SYNPO: variants seen among roughly 807,000 people sequenced by gnomAD.
SYNPO encodes the protein synaptopodin.
SYNPO carries 19 observed loss-of-function variants against 49.5 expected under a neutral mutation model. That is an observed-to-expected ratio of 0.38 (90% CI 0.27 to 0.56). SYNPO has a LOEUF of 0.56. Among genes scored for constraint, SYNPO ranks in the 20% least tolerant of loss-of-function variants. The pLI is 0.68. For missense variants in SYNPO, 1,131 were observed against 1,248.3 expected (o/e 0.91, Z 1.42); for synonymous variants, 536 against 548.0 (o/e 0.98, Z 0.31).
chr5:150,637,814 C>A (rs532299356), upstream of SYNPO, among the ~76,000 whole-genome samples: 3 of 152,354 alleles, frequency 2.0e-5, no homozygotes, highest in South Asian at 4.1e-4. Context: ...TGCACGGCGT[C>A]CTTTCCTATA....
chr5:150,656,742 A>ACCC lies in SYNPO; in HGVS notation c.2369_2370insCCC (p.Pro800dup). ...GGCCCTTCTCCCCGCCGAGGGCGCCACCGCCCCCGCCCCCGCCCCCGCCCC... is the reference window on the plus strand; with the variant it reads ...GGCCCTTCTCCCCGCCGAGGGCGCCACCCCCGCCCCCGCCCCCGCCCCCGCCCC... On this transcript the variant is annotated inframe_insertion, in exon 3 of 3. Coordinates refer to ENST00000307662, the MANE Select transcript of SYNPO (RefSeq NM_007286.6). 5.5e-6 allele frequency: 6 copies of ACCC among 1,098,012 alleles called. No homozygotes were observed. Among genetic ancestry groups the ACCC allele is most frequent in the Non-Finnish European group, 6.8e-6 (6 of 877,092 alleles). The allele number at this position is 1,098,012 out of a possible 1,614,324, so 68.0% of individuals were successfully genotyped here.
intron 2 of SYNPO, among the ~76,000 whole-genome samples, chr5:150,633,662 G>T (rs1359724085): frequency 6.6e-6 from 1 of 152,244 alleles, no homozygotes; most frequent in Non-Finnish European, 1.5e-5. Context: ...TGAACCATGT[G>T]CAGTGAGATC....
chr5:150,654,717 C>T (rs1758498838), intron 2 of SYNPO, among the ~76,000 whole-genome samples: 1 of 152,202 alleles, frequency 6.6e-6, no homozygotes. Flanking sequence ...TTTTGTATCT[C>T]CATCTGTCAG....
upstream of SYNPO, among the ~76,000 whole-genome samples, chr5:150,598,303 C>T (rs1210279837): frequency 1.3e-5 from 2 of 152,218 alleles, no homozygotes; most frequent in Admixed American, 6.5e-5. Context: ...GGCTGAGTCT[C>T]ACTCCTCCAG....
intron 2 of SYNPO, among the ~76,000 whole-genome samples, chr5:150,655,789 A>T (rs942156733): frequency 1.3e-5 from 2 of 152,108 alleles, no homozygotes; most frequent in African/African-American, 4.8e-5. Flanking sequence ...AGTAGCTGGG[A>T]CTACAGGCAC....
chr5:150,612,922 G>T (rs1279426851), intron 1 of SYNPO, among the ~76,000 whole-genome samples: 1 of 152,158 alleles, frequency 6.6e-6, no homozygotes, highest in African/African-American at 2.4e-5. Context: ...GGGAGTACAG[G>T]TGTGTGCCAC....
At chr5:150,618,100 T>G (rs540977872) in intron 1 of SYNPO, 1 of 402,620 alleles carries the variant, frequency 2.5e-6, no homozygotes, top group African/African-American at 2.0e-5. Flanking sequence ...CCTATGCCGA[T>G]AGATTGCCCC....
At chr5:150,628,531 C>T (rs1363468497) in intron 2 of SYNPO, among the ~76,000 whole-genome samples, 1 of 152,084 alleles carries the variant, frequency 6.6e-6, no homozygotes, top group Non-Finnish European at 1.5e-5. Context: ...CTGTTGTATA[C>T]TGTTGTTCTG....
intron 1 of SYNPO, among the ~76,000 whole-genome samples, chr5:150,647,621 C>T (rs1359634531): frequency 6.6e-6 from 1 of 152,122 alleles, no homozygotes; most frequent in Non-Finnish European, 1.5e-5. Context: ...CACGGTGGGA[C>T]TTCTAGGGTG....
chr5:150,648,173 C>A lies in SYNPO; in HGVS notation c.-103C>A, dbSNP rs747048973. 1 of 1,565,994 alleles carries A rather than the reference C, an allele frequency of 6.4e-7. No homozygotes were observed. The highest frequency in any genetic ancestry group is 1.2e-5 in the South Asian group (1 of 85,822). On this transcript the variant is annotated 5_prime_UTR_variant, in exon 2 of 3. Transcript: ENST00000307662. The surrounding 1 kb of genome is among the most constrained non-coding windows in gnomAD (Gnocchi z 5.0). ...GAGTGCTCCCTTCAAGCCTCCCAGG[C>A]CATGCACCGGGGCTCAGCCTGAGTT...
intron 1 of SYNPO, among the ~76,000 whole-genome samples, chr5:150,610,561 T>C (rs1756818162): frequency 6.6e-6 from 1 of 152,224 alleles, no homozygotes; most frequent in African/African-American, 2.4e-5. Flanking sequence ...GCCCAGCACA[T>C]GCTCAATATT....
At chr5:150,639,693 G>T (rs553661356), upstream of SYNPO, among the ~76,000 whole-genome samples, 1 of 152,318 alleles carries the variant, frequency 6.6e-6, no homozygotes, top group South Asian at 2.1e-4. Flanking sequence ...ATGAAAAAAG[G>T]CATGTTAAAC....
intron 2 of SYNPO, chr5:150,652,007 A>C: frequency 1.0e-6 from 1 of 1,000,500 alleles, no homozygotes; most frequent in Non-Finnish European, 1.2e-6. Flanking sequence ...CAGTGGGGCA[A>C]GGGGTGGTGG....
At chr5:150,587,482 T>A in the SYNPO span, among the ~76,000 whole-genome samples, 1 of 151,960 alleles carries the variant, frequency 6.6e-6, no homozygotes, top group South Asian at 2.1e-4. Context: ...GGTAGGTGGA[T>A]AAATAGGCGG....
intron 2 of SYNPO, among the ~76,000 whole-genome samples, chr5:150,619,276 C>T (rs1023279985): frequency 1.3e-5 from 2 of 152,032 alleles, no homozygotes; most frequent in Admixed American, 1.3e-4. Flanking sequence ...CCCAATTTTA[C>T]AGGTGGGGAA....
intron 2 of SYNPO, among the ~76,000 whole-genome samples, chr5:150,628,264 C>T (rs900896214): frequency 1.3e-5 from 2 of 152,156 alleles, no homozygotes; most frequent in Admixed American, 6.5e-5. Context: ...CTTTTCCACT[C>T]GGTGAGGCAG....
In SYNPO at chr5:150,640,818, C is replaced by T; in HGVS notation, c.-369C>T. 1.0e-6 allele frequency: 1 copy of T among 985,608 alleles called. No homozygotes were observed. The highest frequency in any genetic ancestry group is 1.2e-6 in the Non-Finnish European group (1 of 829,966). 61.1% of individuals were successfully genotyped at this position (985,608 alleles called of 1,614,324 possible). On this transcript the variant is annotated 5_prime_UTR_variant, in exon 1 of 3. Coordinates refer to ENST00000307662, the MANE Select transcript of SYNPO (RefSeq NM_007286.6). ...AAGGCTTGAAGGCCGGCAGGAGCAT[C>T]CAGGGGGAAGCTTGGCTTCAGGGAG... is the stretch of plus-strand genomic sequence containing the variant.
chr5:150,636,502 G>C (rs1431424140), upstream of SYNPO, among the ~76,000 whole-genome samples: 1 of 152,182 alleles, frequency 6.6e-6, no homozygotes, highest in Non-Finnish European at 1.5e-5. Flanking sequence ...ATTGTGACAG[G>C]ACAGACCCTG....
Position 150,656,818 on chromosome 5 carries a change from G to A in SYNPO, c.2443G>A (p.Val815Met), listed in dbSNP as rs1348311176. 3 of 1,524,728 alleles carry A rather than the reference G, an allele frequency of 2.0e-6. No homozygotes were observed. In the Admixed American group the frequency reaches 6.0e-5, roughly 30 times the overall value. The allele number at this position is 1,524,728 out of a possible 1,614,324, so 94.4% of individuals were successfully genotyped here. The change falls in exon 3 of 3, where the codon GTG (valine) becomes ATG (methionine). Residue 815 changes from valine to methionine, a missense_variant. By Grantham distance (21) the Val-to-Met change is conservative. Transcript: ENST00000307662. ...PQPARPGSAAVPGAAFAPIPR... is the reference protein window; with the variant it reads ...PQPARPGSAAMPGAAFAPIPR... ...GCCCGCCCGCCCCGGCTCGGCTGCT[G>A]TGCCGGGGGCAGCCTTCGCGCCCAT... is the stretch of plus-strand genomic sequence containing the variant.
Sources: allele counts gnomAD v4.1 joint callset (sites outside exome capture counted in the v4.1 genomes callset), GRCh38; gene constraint gnomAD v4.1.1; non-coding constraint Gnocchi (gnomAD v3.1); transcripts MANE v1.5; gene names NCBI Gene and HGNC (gene_info 2026-07-23, HGNC 2026-07-21).